SLMAP: variants seen among roughly 807,000 people sequenced by gnomAD.
SLMAP encodes the protein sarcolemmal membrane-associated protein.
Under a neutral mutation model 128.8 loss-of-function variants are expected in SLMAP, and 44 were observed. The ratio of observed to expected loss-of-function variants is 0.34; its 90% CI spans 0.27 to 0.44. The LOEUF (loss-of-function observed/expected upper bound fraction) is 0.44. Ranked by LOEUF, SLMAP falls within the 20% of genes least tolerant of loss-of-function variation. The pLI, the probability that SLMAP is intolerant of heterozygous loss-of-function variation, is 1.00. For synonymous variants in SLMAP, 327 were observed against 348.8 expected (o/e 0.94, Z 0.70); for missense variants, 787 against 985.3 (o/e 0.80, Z 2.69).
chr3:57,916,705 G>A (rs17031384), intron 21 of SLMAP, among the ~76,000 whole-genome samples: 2,554 of 151,926 alleles, frequency 0.017, 63 homozygotes, highest in African/African-American at 0.059. Flanking sequence ...ATATTTGATG[G>A]GACACACCTT....
At chr3:57,824,520 C>G (rs965934056) in intron 2 of SLMAP, among the ~76,000 whole-genome samples, 2 of 152,158 alleles carry the variant, frequency 1.3e-5, no homozygotes, top group African/African-American at 4.8e-5. Flanking sequence ...AGAGATGATT[C>G]TTTCCTCATT....
At chr3:57,804,760 A>G (rs1196586430) in intron 2 of SLMAP, among the ~76,000 whole-genome samples, 1 of 152,138 alleles carries the variant, frequency 6.6e-6, no homozygotes, top group Non-Finnish European at 1.5e-5. Flanking sequence ...AATAAAAATA[A>G]AAAGTATATA....
chr3:57,885,621 G>A (rs763804315), intron 14 of SLMAP, among the ~76,000 whole-genome samples: 3 of 150,220 alleles, frequency 2.0e-5, no homozygotes, highest in Non-Finnish European at 4.4e-5. Flanking sequence ...GTTTCTCCAC[G>A]TTGGTCAGGC....
rs2094546742 is a variant in SLMAP, at chr3:57,852,569, G to T, written c.519+2753G>T. 2.0e-5 allele frequency among the ~76,000 whole-genome samples: 3 copies of T among 152,176 alleles called. No individual in the cohort carries two copies. The South Asian group carries it at 6.2e-4, about 32-fold the overall frequency. The stretch of plus-strand genomic sequence containing the variant: ...TAATATATGTAAAGCACTTAGAACA[G>T]TTCCTGGCACATAGAATGTATGCCA... On this transcript the variant is annotated intron_variant, in intron 6 of 24. Coordinates refer to ENST00000671191, the MANE Select transcript of SLMAP (RefSeq NM_001377540.1).
chr3:57,805,067 G>A (rs2089523309), intron 2 of SLMAP, among the ~76,000 whole-genome samples: 2 of 152,192 alleles, frequency 1.3e-5, no homozygotes, highest in South Asian at 4.1e-4. Flanking sequence ...GTTTCTCTTT[G>A]TATACTGGTT....
At chr3:57,818,106 C>G (rs1311649538) in intron 2 of SLMAP, among the ~76,000 whole-genome samples, 1 of 151,962 alleles carries the variant, frequency 6.6e-6, no homozygotes, top group Non-Finnish European at 1.5e-5. Context: ...CTTAGGAGAC[C>G]CTTTGGCGAG....
intron 2 of SLMAP, among the ~76,000 whole-genome samples, chr3:57,771,175 T>A (rs1429035756): frequency 1.6e-5 from 1 of 61,550 alleles, no homozygotes; most frequent in African/African-American, 5.8e-5. Flanking sequence ...TCCCCTCCCC[T>A]CCCCTCTCCT....
chr3:57,841,233 G>C (rs1279196750), intron 3 of SLMAP, 66 bp from the exon 4 acceptor site: 33 of 895,436 alleles, frequency 3.7e-5, no homozygotes, highest in Non-Finnish European at 5.7e-5. Context: ...GTTTACATAT[G>C]AGAGGTGTGA....
intron 14 of SLMAP, among the ~76,000 whole-genome samples, chr3:57,873,536 T>A (rs1560357899): frequency 6.6e-6 from 1 of 152,044 alleles, no homozygotes; most frequent in East Asian, 1.9e-4. Context: ...AATAAATAAA[T>A]AAAACTATTT....
At chr3:57,924,872 G>T (rs2096974685) in intron 23 of SLMAP, among the ~76,000 whole-genome samples, 1 of 151,890 alleles carries the variant, frequency 6.6e-6, no homozygotes, top group Non-Finnish European at 1.5e-5. Context: ...TGGATTTCAG[G>T]TATCGAGCAA....
At chr3:57,903,753 C>T (rs2096457741) in intron 17 of SLMAP, among the ~76,000 whole-genome samples, 2 of 152,110 alleles carry the variant, frequency 1.3e-5, no homozygotes, top group Admixed American at 1.3e-4. Context: ...AGATTTACAA[C>T]TTACATTACT....
chr3:57,847,317 AATTT>A, intron 5 of SLMAP, 84 bp downstream of exon 5: 1 of 948,216 alleles, frequency 1.1e-6, no homozygotes. Context: ...TTTACCTAGA[AATTT>A]ATTTCTCTTT....
chr3:57,841,843 A>G (rs1230558788), intron 4 of SLMAP, among the ~76,000 whole-genome samples: 1 of 152,022 alleles, frequency 6.6e-6, no homozygotes, highest in Non-Finnish European at 1.5e-5. Context: ...CCAATGTCCT[A>G]TTTACTTTTT....
chr3:57,826,570 C>G (rs1265204242), intron 2 of SLMAP, among the ~76,000 whole-genome samples: 1 of 152,036 alleles, frequency 6.6e-6, no homozygotes, highest in Non-Finnish European at 1.5e-5. Context: ...CTTTTCTTTC[C>G]TTGTCTCTAT....
intron 3 of SLMAP, among the ~76,000 whole-genome samples, chr3:57,834,674 T>C (rs1299843398): frequency 6.6e-6 from 1 of 152,084 alleles, no homozygotes; most frequent in African/African-American, 2.4e-5. Flanking sequence ...CCCTGTGTTA[T>C]TTAAGTAATT....
At chr3:57,803,780 T>C (rs1335686899) in intron 2 of SLMAP, among the ~76,000 whole-genome samples, 4 of 152,234 alleles carry the variant, frequency 2.6e-5, no homozygotes, top group Non-Finnish European at 5.9e-5. Context: ...TGAATCCTGC[T>C]TTTCTAGCTC....
chr3:57,876,440 A>G (rs2095605606), intron 14 of SLMAP, among the ~76,000 whole-genome samples: 1 of 152,246 alleles, frequency 6.6e-6, no homozygotes, highest in Non-Finnish European at 1.5e-5. Context: ...GTTTTGCATA[A>G]TTTCAGAACT....
intron 3 of SLMAP, among the ~76,000 whole-genome samples, chr3:57,840,222 G>A (rs1013897315): frequency 3.3e-5 from 5 of 152,152 alleles, no homozygotes; most frequent in Middle Eastern, 3.4e-3. Context: ...CCAAAGTACC[G>A]GGATTACAGG....
rs752100585 is a variant in SLMAP, at chr3:57,917,009, C to T, written c.2242C>T (p.Arg748Trp). ...GGGATCCTTGAAAGAACAGCATCTTCGGGATTCAGCTGATTTAAAAACTCT... is the reference window on the plus strand; with the variant it reads ...GGGATCCTTGAAAGAACAGCATCTTTGGGATTCAGCTGATTTAAAAACTCT... ...QVGSLKEQHL[R>W]DSADLKTLLS... The change falls in exon 22 of 25, where the codon CGG becomes TGG. Residue 748 changes from arginine (R) to tryptophan (W), a missense_variant. Arg to Trp is a moderately radical substitution (Grantham distance 101). Around this residue, in one of 2 missense-constraint regions of SLMAP, gnomAD observed 715 missense variants for 843.6 expected, o/e 0.85. Coordinates refer to ENST00000671191, the MANE Select transcript of SLMAP (RefSeq NM_001377540.1). The T allele has an allele frequency of 6.2e-6, 10 of 1,613,840 alleles. No individual in the cohort carries two copies. The highest frequency in any genetic ancestry group is 1.1e-5 in the South Asian group (1 of 91,068).
Sources: gnomAD v4.1 joint callset for allele counts (sites outside exome capture counted in the v4.1 genomes callset) on GRCh38, gnomAD v4.1.1 for gene constraint, gnomAD v4.1.1 regional missense constraint, MANE v1.5 for transcripts, NCBI Gene and HGNC (gene_info 2026-07-23, HGNC 2026-07-21) for gene names.